The following OTUD7A variants were observed in gnomAD, a reference collection of about 807,000 sequenced individuals.
OTUD7A encodes the protein OTU domain-containing protein 7A.
OTUD7A carries 12 observed loss-of-function variants against 65.7 expected under a neutral mutation model. The observed-to-expected ratio is 0.18, with a 90% CI of 0.12 to 0.30. The LOEUF (loss-of-function observed/expected upper bound fraction) is 0.30, where lower values mean the gene tolerates loss of function less well. Ranked by LOEUF, OTUD7A falls within the 10% of genes least tolerant of loss-of-function variation. The pLI, the probability that OTUD7A is intolerant of heterozygous loss-of-function variation, is 1.00. For missense variants in OTUD7A, 1,148 were observed against 1,304.8 expected (o/e 0.88, Z 1.85); for synonymous variants, 641 against 586.3 (o/e 1.09, Z -1.35).
chr15:31,736,601 T>C (rs12324688), intron 1 of OTUD7A, among the ~76,000 whole-genome samples: 3,497 of 152,218 alleles, frequency 0.023, 163 homozygotes, highest in African/African-American at 0.079. Flanking sequence ...ATGAGATCAA[T>C]GTATGTTCCA....
chr15:31,580,871 C>T (rs1889351224), intron 3 of OTUD7A, among the ~76,000 whole-genome samples: 2 of 152,082 alleles, frequency 1.3e-5, no homozygotes, highest in Admixed American at 6.6e-5. Context: ...ATTCCACCCC[C>T]GGCCCCTCCC....
chr15:31,493,623 C>T (rs1017615625), intron 10 of OTUD7A, among the ~76,000 whole-genome samples: 1 of 152,126 alleles, frequency 6.6e-6, no homozygotes, highest in Non-Finnish European at 1.5e-5. Context: ...ATATTCTTAG[C>T]CAGTCTGAGT....
chr15:31,640,710 A>T (rs199855016), intron 3 of OTUD7A, among the ~76,000 whole-genome samples: 43,516 of 151,978 alleles, frequency 0.29, 7,324 homozygotes, highest in African/African-American at 0.47. Flanking sequence ...TCTACATTAA[A>T]AAAACTACTT....
At chr15:31,598,579 T>C (rs1383898312) in intron 3 of OTUD7A, among the ~76,000 whole-genome samples, 1 of 152,090 alleles carries the variant, frequency 6.6e-6, no homozygotes, top group Admixed American at 6.5e-5. Context: ...TGGGCAGCCG[T>C]TCAGGCAGAC....
At chr15:31,867,269 A>G (rs1028451049) in intron 1 of OTUD7A, among the ~76,000 whole-genome samples, 6 of 152,160 alleles carry the variant, frequency 3.9e-5, no homozygotes, top group Non-Finnish European at 7.3e-5. Flanking sequence ...TTTTATAGGG[A>G]AAAATAAAAG....
At chr15:31,575,852 G>A (rs781584514) in intron 3 of OTUD7A, among the ~76,000 whole-genome samples, 1 of 152,202 alleles carries the variant, frequency 6.6e-6, no homozygotes, top group Non-Finnish European at 1.5e-5. Flanking sequence ...TCCGTGAAGG[G>A]CATTAGTGCT....
intron 1 of OTUD7A, among the ~76,000 whole-genome samples, chr15:31,870,224 C>G (rs1383032144): frequency 1.3e-5 from 2 of 148,932 alleles, no homozygotes; most frequent in Non-Finnish European, 3.0e-5. Context: ...CCGCGCCCTG[C>G]CCGAGAGAGG....
chr15:31,591,274 T>C (rs1184798304), intron 3 of OTUD7A, among the ~76,000 whole-genome samples: 1 of 152,014 alleles, frequency 6.6e-6, no homozygotes, highest in Non-Finnish European at 1.5e-5. Context: ...CAAGCTTAAC[T>C]GGGAGAGCTT....
chr15:31,681,533 T>G (rs567576704), intron 1 of OTUD7A, among the ~76,000 whole-genome samples: 36 of 152,064 alleles, frequency 2.4e-4, no homozygotes, highest in African/African-American at 8.7e-4. Flanking sequence ...TCTACCCGTA[T>G]GCCTATGAAT....
At chr15:31,854,428 A>G (rs1010402191) in intron 1 of OTUD7A, among the ~76,000 whole-genome samples, 1 of 152,226 alleles carries the variant, frequency 6.6e-6, no homozygotes, top group African/African-American at 2.4e-5. Context: ...CTGGGGGGTC[A>G]TTATTCTGCC....
chr15:31,773,215 T>C (rs1895286847), intron 1 of OTUD7A, among the ~76,000 whole-genome samples: 2 of 152,262 alleles, frequency 1.3e-5, no homozygotes, highest in South Asian at 4.1e-4. Context: ...TTTGCTAAGA[T>C]GAGTGATATG....
At chr15:31,812,212 T>C (rs1383178349) in intron 1 of OTUD7A, among the ~76,000 whole-genome samples, 1 of 151,616 alleles carries the variant, frequency 6.6e-6, no homozygotes. Flanking sequence ...ACTGCCATAC[T>C]AACCAGAATG....
intron 8 of OTUD7A, among the ~76,000 whole-genome samples, chr15:31,509,193 T>C (rs999608779): frequency 6.6e-6 from 1 of 152,156 alleles, no homozygotes; most frequent in Non-Finnish European, 1.5e-5. Context: ...TTTATTTTAA[T>C]GTTTAGTTTA....
At chr15:31,840,733 A>C (rs1267795896) in intron 1 of OTUD7A, among the ~76,000 whole-genome samples, 1 of 152,242 alleles carries the variant, frequency 6.6e-6, no homozygotes, top group East Asian at 1.9e-4. Flanking sequence ...TAATGCCCAA[A>C]TATTTCTCTT....
intron 3 of OTUD7A, among the ~76,000 whole-genome samples, chr15:31,578,025 G>C (rs1889258879): frequency 6.6e-6 from 1 of 152,056 alleles, no homozygotes; most frequent in South Asian, 2.1e-4. Context: ...CTCAACAATG[G>C]AACATAATAG....
intron 3 of OTUD7A, among the ~76,000 whole-genome samples, chr15:31,606,453 G>C (rs947979415): frequency 3.3e-5 from 5 of 152,206 alleles, no homozygotes; most frequent in African/African-American, 1.2e-4. Context: ...AAATAAATTA[G>C]TCAGAAATGG....
At chr15:31,865,266 G>A (rs2141021309) in intron 1 of OTUD7A, among the ~76,000 whole-genome samples, 1 of 152,310 alleles carries the variant, frequency 6.6e-6, no homozygotes, top group African/African-American at 2.4e-5. Context: ...ATGCAAATGT[G>A]TTGCCCACAC....
intron 1 of OTUD7A, among the ~76,000 whole-genome samples, chr15:31,860,701 G>GTATATATATATATATATATA (rs1567060018): frequency 3.2e-5 from 1 of 30,838 alleles, no homozygotes; most frequent in Non-Finnish European, 7.8e-5. Context: ...ATATATATAT[G>GTATATATATATATATATATA]TATGTATATA....
At chr15:31,589,337 T>C (rs541898248) in intron 3 of OTUD7A, among the ~76,000 whole-genome samples, 1 of 151,314 alleles carries the variant, frequency 6.6e-6, no homozygotes, top group South Asian at 2.1e-4. Flanking sequence ...TCTTACTCTG[T>C]CACACAGGCT....
Sources: allele counts gnomAD v4.1 joint callset (sites outside exome capture counted in the v4.1 genomes callset), GRCh38; gene constraint gnomAD v4.1.1; transcripts MANE v1.5; gene names NCBI Gene and HGNC (gene_info 2026-07-23, HGNC 2026-07-21).